The following CUL5 variants were observed in gnomAD, a reference collection of about 807,000 sequenced individuals.
CUL5 encodes the protein cullin 5, also known as cullin-5.
Under a neutral mutation model 108.8 loss-of-function variants are expected in CUL5, and 26 were observed. The ratio of observed to expected loss-of-function variants is 0.24; its 90% CI spans 0.18 to 0.33. The LOEUF is 0.33. CUL5 is among the 10% of genes least tolerant of loss of function. The pLI, the probability that CUL5 is intolerant of heterozygous loss-of-function variation, is 1.00. For missense variants in CUL5, 524 were observed against 909.2 expected, an observed-to-expected ratio of 0.58 and a Z score of 5.45; for synonymous variants, 334 against 298.0, an observed-to-expected ratio of 1.12 and a Z score of -1.25.
intron 2 of CUL5, among the ~76,000 whole-genome samples, chr11:108,041,882 G>A (rs1462232459): frequency 2.6e-5 from 4 of 151,980 alleles, no homozygotes; most frequent in Admixed American, 6.6e-5. Flanking sequence ...GTGAACCACC[G>A]CACCAGGCCC....
intron 1 of CUL5, among the ~76,000 whole-genome samples, chr11:108,029,124 G>T (rs1270596122): frequency 1.3e-5 from 2 of 152,056 alleles, no homozygotes; most frequent in Admixed American, 1.3e-4. Context: ...TCAACTCCCT[G>T]TTGGCTTCCC....
intron 7 of CUL5, among the ~76,000 whole-genome samples, chr11:108,055,855 G>A (rs758295121): frequency 6.6e-5 from 10 of 152,040 alleles, no homozygotes; most frequent in East Asian, 1.9e-4. Flanking sequence ...GATCTTGAAC[G>A]CCTAAGCTCA....
chr11:108,078,598 C>T (rs750774740), intron 11 of CUL5, among the ~76,000 whole-genome samples: 3 of 151,896 alleles, frequency 2.0e-5, no homozygotes, highest in African/African-American at 7.3e-5. Flanking sequence ...TTCCTATTAC[C>T]GTTTTAAAAA....
At chr11:108,035,662 C>A (rs939344791) in intron 2 of CUL5, among the ~76,000 whole-genome samples, 2 of 151,796 alleles carry the variant, frequency 1.3e-5, no homozygotes, top group Non-Finnish European at 2.9e-5. Flanking sequence ...ATTGCTTGAG[C>A]CCTCAAGCAG....
chr11:108,060,243 T>C, intron 7 of CUL5, among the ~76,000 whole-genome samples: 1 of 152,232 alleles, frequency 6.6e-6, no homozygotes, highest in Non-Finnish European at 1.5e-5. Context: ...ATCCAGACTT[T>C]TGTAGTGCCA....
Position 108,009,068 on chromosome 11 carries a change from T to C in CUL5, c.-281T>C. 2.0e-6 allele frequency: 1 copy of C among 510,148 alleles called. No individual in the cohort carries two copies. Among genetic ancestry groups the C allele is most frequent in the South Asian group, 2.9e-5 (1 of 35,068 alleles). The allele number at this position is 510,148 out of a possible 1,614,324, so 31.6% of individuals were successfully genotyped here. On this transcript the variant is annotated 5_prime_UTR_variant, in exon 1 of 19. Coordinates refer to ENST00000393094, the MANE Select transcript of CUL5 (RefSeq NM_003478.6). ...GCTTCCTCTTCCAAGTCAGGTCGGC[T>C]CCCGTTACCTTCTCAGCATTCGCCG...
In CUL5 at chr11:108,055,874, A is replaced by G. The variant is rs1392869775; in HGVS notation, c.780+919A>G. On this transcript the variant is annotated intron_variant, in intron 7 of 18. Transcript: ENST00000393094. ...TTGAACGCCTAAGCTCAGGTGATCCACCTGCCTTGGCCTCCCAGAGTGTTG... is the reference window on the plus strand; with the variant it reads ...TTGAACGCCTAAGCTCAGGTGATCCGCCTGCCTTGGCCTCCCAGAGTGTTG... Among the ~76,000 whole-genome samples, 70 of 152,150 alleles carry G rather than the reference A, an allele frequency of 4.6e-4. 2 individuals carry two copies. Among genetic ancestry groups the G allele is most frequent in the Non-Finnish European group, 1.2e-4 (8 of 68,030 alleles).
chr11:108,088,302 G>A (rs1453217789), intron 11 of CUL5, among the ~76,000 whole-genome samples: 1 of 152,116 alleles, frequency 6.6e-6, no homozygotes, highest in Non-Finnish European at 1.5e-5. Context: ...ATTGAAGAAG[G>A]TTCTTACTCT....
intron 11 of CUL5, among the ~76,000 whole-genome samples, chr11:108,084,739 T>C (rs1483440503): frequency 6.6e-6 from 1 of 152,246 alleles, no homozygotes; most frequent in Non-Finnish European, 1.5e-5. Context: ...CTTTAATTAA[T>C]TAAGATTAAT....
At chr11:108,061,443 A>G (rs7128487) in intron 7 of CUL5, among the ~76,000 whole-genome samples, 2 of 152,218 alleles carry the variant, frequency 1.3e-5, no homozygotes, top group African/African-American at 2.4e-5. Flanking sequence ...AATCTATACC[A>G]TAATTGTTCT....
At chr11:108,070,386 G>A (rs144252250) in intron 8 of CUL5, among the ~76,000 whole-genome samples, 197 bp downstream of exon 8, 179 of 152,140 alleles carry the variant, frequency 1.2e-3, no homozygotes, top group African/African-American at 4.0e-3. Context: ...TAAATTTTAA[G>A]CATTTTCCCT....
rs1863269522 is a variant in CUL5 at position 108,052,832 on chromosome 11, C to A, written c.553+31C>A. The A allele has an allele frequency of 3.2e-6, 5 of 1,570,164 alleles. No individual in the cohort carries two copies. In the East Asian group the frequency reaches 9.0e-5, roughly 28 times the overall value. The stretch of plus-strand genomic sequence containing the variant: ...TTCTGAACTTTTATGATCATAATTT[C>A]TGTTTCATGGAAATTGTAGAACAAT... On this transcript the variant is annotated intron_variant, in intron 5 of 18. Transcript: ENST00000393094.
intron 18 of CUL5, among the ~76,000 whole-genome samples, chr11:108,099,365 A>C (rs541534333): frequency 5.3e-5 from 8 of 152,334 alleles, no homozygotes; most frequent in African/African-American, 1.9e-4. Flanking sequence ...TTACCTATAG[A>C]TCATGTAATA....
intron 1 of CUL5, among the ~76,000 whole-genome samples, chr11:108,019,411 G>C (rs148917798): frequency 6.6e-6 from 1 of 152,012 alleles, no homozygotes; most frequent in Non-Finnish European, 1.5e-5. Flanking sequence ...TCTAAAATAC[G>C]ACAACTGAGT....
rs139460863 is a variant in CUL5 at position 108,073,446 on chromosome 11, C to G, written c.1062C>G (p.Leu354=). 12 of 1,597,300 alleles carry G rather than the reference C, an allele frequency of 7.5e-6. No individual in the cohort carries two copies. The highest frequency in any genetic ancestry group is 5.4e-5 in the African/African-American group (4 of 74,356). Residue 354 remains leucine, a synonymous_variant, in exon 10 of 19, where the codon CTC becomes CTG. Transcript: ENST00000393094. ...LLTLFNRFSK[L]VKEAFQDDPR... is the part of the protein sequence containing the mutation. The stretch of plus-strand genomic sequence containing the variant: ...CACTATTTAATAGATTTAGTAAACT[C>G]GTCAAAGAAGCTTTTCAAGATGATC...
chr11:108,072,320 C>T lies in CUL5; in HGVS notation c.875-12C>T, dbSNP rs1437216482. 1 of 1,584,468 alleles carries T rather than the reference C, an allele frequency of 6.3e-7. No individual in the cohort carries two copies. The highest frequency in any genetic ancestry group is 1.8e-5 in the Admixed American group (1 of 56,146). ...AATGAAATGATTACATGAATGTGTT[C>T]TCTCCTTCCAGAATTACATTTAATG... On this transcript the variant is annotated splice_polypyrimidine_tract_variant and intron_variant, in intron 8 of 18. Transcript: ENST00000393094.
At chr11:108,079,042 C>T (rs1864005376) in intron 11 of CUL5, among the ~76,000 whole-genome samples, 1 of 152,008 alleles carries the variant, frequency 6.6e-6, no homozygotes, top group South Asian at 2.1e-4. Context: ...GCCATCTCTT[C>T]ACATGAGTAG....
chr11:108,053,155 G>T (rs563050624), intron 5 of CUL5, among the ~76,000 whole-genome samples: 31 of 152,182 alleles, frequency 2.0e-4, no homozygotes, highest in Non-Finnish European at 3.4e-4. Context: ...AGGAGAGCAT[G>T]TAGGAGTACA....
chr11:108,071,847 C>T (rs1235907478), intron 8 of CUL5, among the ~76,000 whole-genome samples: 1 of 152,158 alleles, frequency 6.6e-6, no homozygotes, highest in East Asian at 1.9e-4. Flanking sequence ...AACCACCACA[C>T]CCAGCCTGAT....
Sources: gnomAD v4.1 joint callset for allele counts (sites outside exome capture counted in the v4.1 genomes callset) on GRCh38, gnomAD v4.1.1 for gene constraint, MANE v1.5 for transcripts, NCBI Gene and HGNC (gene_info 2026-07-23, HGNC 2026-07-21) for gene names.